The following FMNL3 variants were observed in gnomAD, a reference collection of about 807,000 sequenced individuals.
FMNL3 encodes formin-like protein 3.
FMNL3 carries 57 observed loss-of-function variants against 119.6 expected under a neutral mutation model. The observed-to-expected ratio is 0.48, with a 90% confidence interval of 0.39 to 0.59. FMNL3 has a LOEUF of 0.59. Ranked by LOEUF, FMNL3 falls within the 20% of genes least tolerant of loss-of-function variation. The pLI is 0.00. For missense variants in FMNL3, 1,053 were observed against 1,323.5 expected (o/e 0.80, Z 3.17); for synonymous variants, 491 against 507.3 (o/e 0.97, Z 0.43).
chr12:49,640,186 G>T lies in FMNL3; in HGVS notation c.*5629C>A, dbSNP rs1176370807. 6.6e-6 allele frequency: 1 copy of T among 152,232 alleles called. No homozygotes were observed. The highest frequency in any genetic ancestry group is 1.5e-5 in the Non-Finnish European group (1 of 68,062). The allele number at this position is 152,232 out of a possible 1,614,324, so 9.4% of individuals were successfully genotyped here. ...CCATAGGATAATGCAAAGAGCCCTGGACTTAGAACAGGCAGACAGATCCGG... is the reference window on the plus strand; with the variant it reads ...CCATAGGATAATGCAAAGAGCCCTGTACTTAGAACAGGCAGACAGATCCGG... On this transcript the variant is annotated 3_prime_UTR_variant, in exon 26 of 26. Transcript: ENST00000335154.
At chr12:49,668,127 C>T (rs960056327) in intron 2 of FMNL3, among the ~76,000 whole-genome samples, 3 of 152,204 alleles carry the variant, frequency 2.0e-5, no homozygotes, top group Non-Finnish European at 4.4e-5. Context: ...TTTGCCAGGG[C>T]TAAGACAGAG....
In FMNL3 at chr12:49,653,327, G is replaced by T; in HGVS notation, c.1222C>A (p.Leu408Ile). ...TCTAGGTCCAGAAGCTTCTCTGTGA[G>T]CTGCACAACAGGAAGGGCAGGTTCT... ...VEELEEHVSH[L>I]TEKLLDLENE... Residue 408 changes from leucine to isoleucine, a missense_variant and splice_region_variant, in exon 13 of 26, where the codon CTC becomes ATC. Coordinates refer to ENST00000335154, the MANE Select transcript of FMNL3 (RefSeq NM_175736.5). The T allele has an allele frequency of 6.2e-7, 1 of 1,613,954 alleles. No individual in the cohort carries two copies.
At chr12:49,650,011 CTGGACAGGGG>C in intron 17 of FMNL3, 86 bp from the exon 18 acceptor site, 3 of 1,206,694 alleles carry the variant, frequency 2.5e-6, no homozygotes, top group Non-Finnish European at 3.5e-6. Flanking sequence ...CCTAGAAGAA[CTGGACAGGGG>C]ACTGTACACG....
chr12:49,704,181 T>C (rs1328091150), intron 1 of FMNL3, among the ~76,000 whole-genome samples: 1 of 152,124 alleles, frequency 6.6e-6, no homozygotes. Context: ...GGGAATCAGA[T>C]TAAGTAACTT....
rs371605297 is a variant in FMNL3, at chr12:49,649,217, G to A, written c.2385+42C>T. ...TAAGCACTCTGGCTCCACAACTGCT[G>A]CCCCCCAGGCTTCCTGGCCCACGCT... On this transcript the variant is annotated intron_variant, in intron 20 of 25. Coordinates refer to ENST00000335154, the MANE Select transcript of FMNL3 (RefSeq NM_175736.5). This position sits in a 1 kb window ranked among gnomAD's most constrained non-coding sequence, Gnocchi z 5.6. The A allele has an allele frequency of 1.9e-6, 3 of 1,613,350 alleles. No homozygotes were observed. The highest frequency in any genetic ancestry group is 1.7e-6 in the Non-Finnish European group (2 of 1,179,610).
intron 1 of FMNL3, among the ~76,000 whole-genome samples, chr12:49,696,138 A>G (rs1944744244): frequency 6.6e-6 from 1 of 152,240 alleles, no homozygotes; most frequent in South Asian, 2.1e-4. Context: ...CAAGTCTCTG[A>G]TATAAAATTA....
At chr12:49,682,216 G>A (rs926484047) in intron 1 of FMNL3, among the ~76,000 whole-genome samples, 1 of 151,894 alleles carries the variant, frequency 6.6e-6, no homozygotes, top group Non-Finnish European at 1.5e-5. Flanking sequence ...AACTACAGGC[G>A]GCCACCACCA....
chr12:49,642,637 C>T lies in FMNL3; in HGVS notation c.*3178G>A, dbSNP rs755027407. 3.7e-6 allele frequency: 6 copies of T among 1,614,184 alleles called. No individual in the cohort carries two copies. The highest frequency in any genetic ancestry group is 3.3e-5 in the Admixed American group (2 of 60,034). On this transcript the variant is annotated 3_prime_UTR_variant, in exon 26 of 26. Coordinates refer to ENST00000335154, the MANE Select transcript of FMNL3 (RefSeq NM_175736.5). This position sits in a 1 kb window ranked among gnomAD's most constrained non-coding sequence, Gnocchi z 5.8. ...TGAGCAGATCACCCTGGAGTCGGAG[C>T]GGATCCGGCTCTTCCGGGAGTTCCT...
chr12:49,683,284 AC>A (rs963498725), intron 1 of FMNL3, among the ~76,000 whole-genome samples: 1 of 151,808 alleles, frequency 6.6e-6, no homozygotes, highest in Non-Finnish European at 1.5e-5. Context: ...TAAATACTCA[AC>A]CCCCATTAGA....
At chr12:49,652,390 A>T in intron 13 of FMNL3, 178 bp from the exon 14 acceptor site, 2 of 1,257,816 alleles carry the variant, frequency 1.6e-6, no homozygotes, top group South Asian at 1.6e-5. Context: ...GCAAAACAAA[A>T]GAGGCAAGCA....
chr12:49,665,852 A>C lies in FMNL3; in HGVS notation c.348T>G (p.Ser116=). The change falls in exon 4 of 26, where the codon TCT becomes TCG. Residue 116 remains serine (S), a synonymous_variant. Transcript: ENST00000335154. ...STKVLRELEI[S]LRTNHIGWVR... is the part of the protein sequence containing the mutation. ...CTCACCCAATGTGGTTGGTGCGAAG[A>C]GAGATCTCCAGCTCCCTTAGTACTT... 1 of 1,614,182 alleles carries C rather than the reference A, an allele frequency of 6.2e-7. No homozygotes were observed. The highest frequency in any genetic ancestry group is 8.5e-7 in the Non-Finnish European group (1 of 1,180,048).
chr12:49,650,870 A>G lies in FMNL3; in HGVS notation c.1806T>C (p.Asp602=), dbSNP rs1943376383. The G allele has an allele frequency of 6.2e-7, 1 of 1,614,046 alleles. No homozygotes were observed. The highest frequency in any genetic ancestry group is 8.5e-7 in the Non-Finnish European group (1 of 1,180,028). ...LDDEKILEDL[D]LDKFEELFKT... is the part of the protein sequence containing the mutation. ...TGAATAATTCTTCAAACTTATCAAG[A>G]TCCAGGTCCTGGCAGGAATAGGTGA... The change falls in exon 17 of 26, where the codon GAT becomes GAC. Residue 602 remains aspartate, a synonymous_variant. Coordinates refer to ENST00000335154, the MANE Select transcript of FMNL3 (RefSeq NM_175736.5).
chr12:49,673,808 T>C lies in FMNL3; in HGVS notation c.127-5254A>G, dbSNP rs190809567. On this transcript the variant is annotated intron_variant, in intron 1 of 25. Coordinates refer to ENST00000335154, the MANE Select transcript of FMNL3 (RefSeq NM_175736.5). ...CCCAGCCCATTGCCTACACTGCTGC[T>C]GCCGCCGCCTCCACGTCACTGTTTG... 4.9e-3 allele frequency among the ~76,000 whole-genome samples: 746 copies of C among 152,380 alleles called. 6 individuals are homozygous for C. Among genetic ancestry groups the C allele is most frequent in the African/African-American group, 0.016 (684 of 41,598 alleles).
chr12:49,665,796 G>A, intron 4 of FMNL3, 36 bp downstream of exon 4: 1 of 1,605,880 alleles, frequency 6.2e-7, no homozygotes, highest in Admixed American at 1.7e-5. Context: ...GCAGCCTGGG[G>A]CCAGATGAAG....
chr12:49,696,492 A>G (rs957765185), intron 1 of FMNL3, among the ~76,000 whole-genome samples: 1 of 152,212 alleles, frequency 6.6e-6, no homozygotes, highest in Non-Finnish European at 1.5e-5. Context: ...ACTCACCTAC[A>G]GTTGTTATAC....
In FMNL3 at chr12:49,642,291, G is replaced by A. The variant is rs148666758; in HGVS notation, c.*3524C>T. On this transcript the variant is annotated 3_prime_UTR_variant, in exon 26 of 26. Coordinates refer to ENST00000335154, the MANE Select transcript of FMNL3 (RefSeq NM_175736.5). The surrounding 1 kb of genome is among the most constrained non-coding windows in gnomAD (Gnocchi z 5.8). ...AGCGGGAGAAGGAGGAGGCACGCAG[G>A]ATGCGGCGCAGGGAAGCTGCCTTTC... 14 of 1,614,084 alleles carry A rather than the reference G, an allele frequency of 8.7e-6. No homozygotes were observed. In the African/African-American group the frequency reaches 1.9e-4, roughly 22 times the overall value.
intron 1 of FMNL3, among the ~76,000 whole-genome samples, chr12:49,700,163 C>G (rs1436558892): frequency 1.3e-5 from 2 of 152,006 alleles, no homozygotes. Context: ...GAGGCCGAGG[C>G]AGGTGGATCA....
intron 1 of FMNL3, among the ~76,000 whole-genome samples, chr12:49,694,302 G>A (rs1944692764): frequency 6.6e-6 from 1 of 152,168 alleles, no homozygotes; most frequent in African/African-American, 2.4e-5. Flanking sequence ...ATAACTCCCA[G>A]GATTTGCCCT....
intron 13 of FMNL3, among the ~76,000 whole-genome samples, chr12:49,652,846 G>A (rs574825266): frequency 1.3e-5 from 2 of 152,300 alleles, no homozygotes; most frequent in East Asian, 1.9e-4. Flanking sequence ...ATACCTGGTG[G>A]ACATCCTAAT....
Sources: gnomAD v4.1 joint callset for allele counts (sites outside exome capture counted in the v4.1 genomes callset) on GRCh38, gnomAD v4.1.1 for gene constraint, Gnocchi (gnomAD v3.1) non-coding constraint, MANE v1.5 for transcripts, NCBI Gene and HGNC (gene_info 2026-07-23, HGNC 2026-07-21) for gene names.